Variants in INVS observed in about 807,000 individuals in gnomAD.
INVS encodes inversin, also known as inversion of embryo turning homolog.
INVS carries 86 observed loss-of-function variants against 108.8 expected under a neutral mutation model. The ratio of observed to expected loss-of-function variants is 0.79; its 90% CI spans 0.66 to 0.95. The LOEUF (loss-of-function observed/expected upper bound fraction) is 0.95, where lower values mean the gene tolerates loss of function less well. INVS is among the 40% of genes least tolerant of loss of function. The probability of loss-of-function intolerance (pLI) is 0.00; values close to 1 mark genes in which losing one functional copy is unlikely to be tolerated. For missense variants in INVS, 1,169 were observed against 1,297.4 expected, an observed-to-expected ratio of 0.90 and a Z score of 1.52; for synonymous variants, 455 against 473.5, an observed-to-expected ratio of 0.96 and a Z score of 0.51.
chr9:100,148,981 T>A (rs999435745), intron 3 of INVS, among the ~76,000 whole-genome samples: 4 of 152,100 alleles, frequency 2.6e-5, no homozygotes, highest in African/African-American at 9.7e-5. Flanking sequence ...CAGACTGCCA[T>A]GTATCAAATA....
At chr9:100,108,076 C>A (rs1564115918) in intron 2 of INVS, among the ~76,000 whole-genome samples, 1 of 151,804 alleles carries the variant, frequency 6.6e-6, no homozygotes, top group Admixed American at 6.6e-5. Context: ...AGAAAAAGTA[C>A]CAAGTAAAAT....
In INVS at chr9:100,284,451, C is replaced by T; in HGVS notation, c.1916C>T (p.Ala639Val). Reference sequence around the variant, plus strand: ...GATGTGCCCAGCAGGCAGAGCCGGGCCCCCAGCAAGCAGCCTCCTGCTGGC... The same window carrying T: ...GATGTGCCCAGCAGGCAGAGCCGGGTCCCCAGCAAGCAGCCTCCTGCTGGC... Reference protein sequence around the residue: ...TQDVPSRQSRAPSKQPPAGNV... With the variant: ...TQDVPSRQSRVPSKQPPAGNV... Residue 639 changes from alanine to valine, a missense_variant, in exon 13 of 17, where the codon GCC becomes GTC. Ala to Val is a moderately conservative substitution (Grantham distance 64). Around this residue, in one of 3 missense-constraint regions of INVS, gnomAD observed 533 missense variants for 536.0 expected, o/e 0.99. Coordinates refer to ENST00000262457, the MANE Select transcript of INVS (RefSeq NM_014425.5). 1.9e-6 allele frequency: 3 copies of T among 1,614,156 alleles called. No individual in the cohort carries two copies.
intron 3 of INVS, among the ~76,000 whole-genome samples, chr9:100,217,410 A>C (rs1220716566): frequency 6.6e-6 from 1 of 152,134 alleles, no homozygotes; most frequent in East Asian, 1.9e-4. Context: ...CCCTATTTAC[A>C]AGGTAATAAG....
At chr9:100,157,509 G>T (rs530349031) in intron 3 of INVS, among the ~76,000 whole-genome samples, 4 of 151,766 alleles carry the variant, frequency 2.6e-5, no homozygotes, top group Non-Finnish European at 5.9e-5. Flanking sequence ...CTCGTGATCC[G>T]CCCGCCTCGG....
intron 8 of INVS, among the ~76,000 whole-genome samples, chr9:100,248,606 T>C (rs1024960624): frequency 6.6e-6 from 1 of 152,174 alleles, no homozygotes; most frequent in Non-Finnish European, 1.5e-5. Context: ...TTATTGAACA[T>C]TATAGAATTT....
intron 3 of INVS, among the ~76,000 whole-genome samples, chr9:100,191,397 T>A (rs780354447): frequency 3.9e-5 from 6 of 152,186 alleles, no homozygotes; most frequent in Non-Finnish European, 7.3e-5. Flanking sequence ...TTCTTTACTC[T>A]TGTCTGATTG....
intron 3 of INVS, among the ~76,000 whole-genome samples, chr9:100,199,115 T>A (rs1830467006): frequency 6.6e-6 from 1 of 152,224 alleles, no homozygotes; most frequent in Admixed American, 6.5e-5. Flanking sequence ...TTATAATCAG[T>A]AAATATTTTG....
At chr9:100,177,009 A>G (rs548343072) in intron 3 of INVS, among the ~76,000 whole-genome samples, 1 of 151,656 alleles carries the variant, frequency 6.6e-6, no homozygotes, top group African/African-American at 2.4e-5. Context: ...AAAAAAAAAA[A>G]GCAGCCAAAG....
intron 3 of INVS, among the ~76,000 whole-genome samples, chr9:100,179,605 T>C (rs1419685982): frequency 6.6e-6 from 1 of 152,052 alleles, no homozygotes; most frequent in East Asian, 1.9e-4. Context: ...ATCCTAAATA[T>C]ATATGCACCC....
intron 2 of INVS, among the ~76,000 whole-genome samples, chr9:100,123,776 G>A (rs1427988286): frequency 6.6e-6 from 1 of 152,152 alleles, no homozygotes; most frequent in Non-Finnish European, 1.5e-5. Flanking sequence ...TTGTTATTAT[G>A]TATATTTTTT....
intron 3 of INVS, among the ~76,000 whole-genome samples, chr9:100,222,273 A>G (rs886924033): frequency 1.4e-4 from 22 of 152,206 alleles, no homozygotes; most frequent in African/African-American, 5.1e-4. Flanking sequence ...AACTTTTACA[A>G]ATATCATTTG....
At chr9:100,104,219 C>CT (rs1010688604) in intron 1 of INVS, among the ~76,000 whole-genome samples, 2 of 152,008 alleles carry the variant, frequency 1.3e-5, no homozygotes, top group African/African-American at 2.4e-5. Context: ...AGGACTATAG[C>CT]TTTTTTTCTT....
chr9:100,219,543 A>AAG (rs1831082704), intron 3 of INVS, among the ~76,000 whole-genome samples: 1 of 152,222 alleles, frequency 6.6e-6, no homozygotes, highest in Non-Finnish European at 1.5e-5. Context: ...GAACTCATAC[A>AAG]TTACTGTTAT....
chr9:100,255,729 T>C (rs1236283839), intron 10 of INVS, among the ~76,000 whole-genome samples: 3 of 152,230 alleles, frequency 2.0e-5, no homozygotes, highest in African/African-American at 7.2e-5. Context: ...TTGATTTGTG[T>C]ATGTTGAACC....
At chr9:100,298,286 A>T in intron 16 of INVS, 1 of 1,316,418 alleles carries the variant, frequency 7.6e-7, no homozygotes, top group Non-Finnish European at 9.7e-7. Flanking sequence ...CAAAGGAAAT[A>T]AATGAAAATA....
chr9:100,285,116 C>G (rs1265309062), intron 13 of INVS, among the ~76,000 whole-genome samples: 6 of 152,156 alleles, frequency 3.9e-5, no homozygotes, highest in African/African-American at 1.4e-4. Context: ...GGTATGTCTG[C>G]TAGCAACAAA....
chr9:100,246,535 T>A, intron 7 of INVS, 81 bp from the exon 8 acceptor site: 1 of 970,160 alleles, frequency 1.0e-6, no homozygotes. Context: ...CTTAATGGAA[T>A]TCACATATTA....
At chr9:100,137,039 CA>C (rs958143859) in intron 3 of INVS, among the ~76,000 whole-genome samples, 1 of 148,352 alleles carries the variant, frequency 6.7e-6, no homozygotes, top group African/African-American at 2.5e-5. Context: ...GACTCCTTCT[CA>C]AAAAAAAAGG....
intron 12 of INVS, among the ~76,000 whole-genome samples, chr9:100,278,833 A>G (rs1172796311): frequency 6.6e-6 from 1 of 152,196 alleles, no homozygotes; most frequent in Non-Finnish European, 1.5e-5. Flanking sequence ...ACACTTACAT[A>G]TTCATTTTGT....
Sources: allele counts gnomAD v4.1 joint callset (sites outside exome capture counted in the v4.1 genomes callset), GRCh38; gene constraint gnomAD v4.1.1; regional missense constraint gnomAD v4.1.1; transcripts MANE v1.5; gene names NCBI Gene and HGNC (gene_info 2026-07-23, HGNC 2026-07-21).